Variants in GRXCR1 observed in about 807,000 individuals in gnomAD.
The protein encoded by GRXCR1 is glutaredoxin and cysteine rich domain containing 1, also known as glutaredoxin domain-containing cysteine-rich protein 1.
Under a neutral mutation model 27.3 loss-of-function variants are expected in GRXCR1, and 27 were observed. That is an observed-to-expected ratio of 0.99 (90% CI 0.73 to 1.37). The LOEUF (loss-of-function observed/expected upper bound fraction) is 1.37. Among genes scored for constraint, GRXCR1 ranks in the 40% most tolerant of loss-of-function variants. The pLI is 0.00. For synonymous variants in GRXCR1, 122 were observed against 131.1 expected (o/e 0.93, Z 0.47); for missense variants, 379 against 354.4 (o/e 1.07, Z -0.56).
At chr4:42,971,510 A>G (rs1748386798) in intron 2 of GRXCR1, among the ~76,000 whole-genome samples, 2 of 152,130 alleles carry the variant, frequency 1.3e-5, no homozygotes, top group South Asian at 2.1e-4. Flanking sequence ...ATCGTGGCAG[A>G]AGGTGAAGGG....
At chr4:42,958,750 CAG>C (rs1433277403) in intron 1 of GRXCR1, among the ~76,000 whole-genome samples, 1 of 151,858 alleles carries the variant, frequency 6.6e-6, no homozygotes, top group Non-Finnish European at 1.5e-5. Flanking sequence ...AAAAAATGAA[CAG>C]ATGACCAGAA....
At chr4:43,025,147 A>C (rs1713213618) in intron 3 of GRXCR1, among the ~76,000 whole-genome samples, 2 of 152,202 alleles carry the variant, frequency 1.3e-5, no homozygotes. Context: ...TTTGCTACAA[A>C]GGAAGTCTAT....
chr4:42,899,545 A>T, intron 1 of GRXCR1, among the ~76,000 whole-genome samples: 1 of 152,058 alleles, frequency 6.6e-6, no homozygotes, highest in South Asian at 2.1e-4. Flanking sequence ...TCTTTCTCTT[A>T]TTAGACCATC....
At chr4:43,003,491 A>C (rs1378917062) in intron 2 of GRXCR1, among the ~76,000 whole-genome samples, 1 of 152,180 alleles carries the variant, frequency 6.6e-6, no homozygotes, top group Non-Finnish European at 1.5e-5. Flanking sequence ...TTGCAACTTC[A>C]TAGAGACTTG....
At chr4:42,932,664 A>AGAGAGG (rs1553939857) in intron 1 of GRXCR1, among the ~76,000 whole-genome samples, 7 of 107,950 alleles carry the variant, frequency 6.5e-5, no homozygotes, top group African/African-American at 2.5e-4. Flanking sequence ...AGAGAGAGAG[A>AGAGAGG]GGCAATCTGT....
chr4:42,992,628 C>A (rs992737457), intron 2 of GRXCR1, among the ~76,000 whole-genome samples: 1 of 151,948 alleles, frequency 6.6e-6, no homozygotes, highest in African/African-American at 2.4e-5. Flanking sequence ...GTACTATTGC[C>A]TCAGGAGCCT....
chr4:43,007,917 C>A (rs566428298), intron 2 of GRXCR1, among the ~76,000 whole-genome samples: 2 of 152,096 alleles, frequency 1.3e-5, no homozygotes, highest in Admixed American at 1.3e-4. Flanking sequence ...CACTTTAAAG[C>A]GTTTTGCCCA....
At chr4:42,993,000 A>G (rs969946527) in intron 2 of GRXCR1, among the ~76,000 whole-genome samples, 1 of 152,044 alleles carries the variant, frequency 6.6e-6, no homozygotes, top group Non-Finnish European at 1.5e-5. Context: ...TCTTTAGCAA[A>G]CACCACACAT....
intron 1 of GRXCR1, among the ~76,000 whole-genome samples, chr4:42,895,283 C>T (rs1348266594): frequency 1.3e-5 from 2 of 152,036 alleles, no homozygotes; most frequent in African/African-American, 4.8e-5. Context: ...ATAAAACTGC[C>T]TTTTTCTAAT....
At chr4:43,000,553 A>G (rs971449955) in intron 2 of GRXCR1, among the ~76,000 whole-genome samples, 5 of 151,292 alleles carry the variant, frequency 3.3e-5, no homozygotes, top group Non-Finnish European at 7.4e-5. Flanking sequence ...ATCCTTTTCT[A>G]CTTCACAATG....
At chr4:43,015,928 T>C (rs1712917135) in intron 2 of GRXCR1, among the ~76,000 whole-genome samples, 1 of 152,144 alleles carries the variant, frequency 6.6e-6, no homozygotes, top group East Asian at 1.9e-4. Flanking sequence ...AATGTTGATG[T>C]CCCATGTGGA....
intron 2 of GRXCR1, among the ~76,000 whole-genome samples, chr4:43,000,110 G>A (rs974827349): frequency 2.0e-5 from 3 of 152,150 alleles, no homozygotes; most frequent in Non-Finnish European, 4.4e-5. Context: ...ATCCTGCTTT[G>A]TCCCTTGGCA....
At chr4:42,983,191 C>G (rs1394753336) in intron 2 of GRXCR1, among the ~76,000 whole-genome samples, 1 of 150,964 alleles carries the variant, frequency 6.6e-6, no homozygotes, top group Non-Finnish European at 1.5e-5. Flanking sequence ...GGTTTTAGGT[C>G]TAACGTTGAA....
intron 3 of GRXCR1, among the ~76,000 whole-genome samples, 167 bp from the exon 4 acceptor site, chr4:43,030,194 T>G (rs1221760943): frequency 6.6e-6 from 1 of 152,218 alleles, no homozygotes; most frequent in Non-Finnish European, 1.5e-5. Context: ...AACTAATTAC[T>G]TTCCTGGGTG....
intron 2 of GRXCR1, among the ~76,000 whole-genome samples, chr4:43,003,236 T>C (rs909918211): frequency 6.6e-6 from 1 of 152,090 alleles, no homozygotes; most frequent in African/African-American, 2.4e-5. Context: ...CACACCAACA[T>C]GGCATATGTA....
chr4:42,974,913 A>G (rs1162041297), intron 2 of GRXCR1, among the ~76,000 whole-genome samples: 1 of 151,978 alleles, frequency 6.6e-6, no homozygotes. Flanking sequence ...TGTAAAATAG[A>G]CTGAAAACCT....
chr4:42,944,504 A>G (rs1286998182), intron 1 of GRXCR1, among the ~76,000 whole-genome samples: 1 of 152,018 alleles, frequency 6.6e-6, no homozygotes, highest in Non-Finnish European at 1.5e-5. Flanking sequence ...CATTTTTATA[A>G]AGGTATAGTC....
At chr4:42,932,619 T>TATATATATATATAGAGAG (rs1249820617) in intron 1 of GRXCR1, among the ~76,000 whole-genome samples, 1 of 22,924 alleles carries the variant, frequency 4.4e-5, no homozygotes, top group Non-Finnish European at 7.6e-5. Flanking sequence ...TATATATATA[T>TATATATATATATAGAGAG]AGAGAGAGAG....
chr4:42,986,840 G>C (rs557711383), intron 2 of GRXCR1, among the ~76,000 whole-genome samples: 1 of 152,108 alleles, frequency 6.6e-6, no homozygotes, highest in Non-Finnish European at 1.5e-5. Context: ...TCTCCTTGTA[G>C]AGCCTCCAGG....
Sources: gnomAD v4.1 joint callset for allele counts (sites outside exome capture counted in the v4.1 genomes callset) on GRCh38, gnomAD v4.1.1 for gene constraint, MANE v1.5 for transcripts, NCBI Gene and HGNC (gene_info 2026-07-23, HGNC 2026-07-21) for gene names.